Variants in CAMK1D observed in about 807,000 individuals in gnomAD.
CAMK1D encodes the protein calcium/calmodulin-dependent protein kinase type 1D.
CAMK1D carries 9 observed loss-of-function variants against 47.7 expected under a neutral mutation model. The ratio of observed to expected loss-of-function variants is 0.19; its 90% CI spans 0.11 to 0.33. The LOEUF (loss-of-function observed/expected upper bound fraction) is 0.33, where lower values mean the gene tolerates loss of function less well. Ranked by LOEUF, CAMK1D falls within the 10% of genes least tolerant of loss-of-function variation. The probability of loss-of-function intolerance (pLI) is 1.00; values close to 1 mark genes in which losing one functional copy is unlikely to be tolerated. For synonymous variants in CAMK1D, 184 were observed against 184.9 expected, an observed-to-expected ratio of 0.99 and a Z score of 0.04; for missense variants, 291 against 488.7, an observed-to-expected ratio of 0.60 and a Z score of 3.81.
chr10:12,631,593 A>G (rs979752813), intron 2 of CAMK1D, among the ~76,000 whole-genome samples: 1 of 152,144 alleles, frequency 6.6e-6, no homozygotes, highest in African/African-American at 2.4e-5. Flanking sequence ...TCCTTTGTTC[A>G]GTGTGCTCTC....
At chr10:12,810,506 C>G (rs1020170647) in intron 6 of CAMK1D, among the ~76,000 whole-genome samples, 5 of 152,164 alleles carry the variant, frequency 3.3e-5, no homozygotes, top group African/African-American at 1.2e-4. Flanking sequence ...AACTCCTGAC[C>G]TCAGGTGATC....
At chr10:12,415,754 T>TG (rs1839825722) in intron 1 of CAMK1D, among the ~76,000 whole-genome samples, 1 of 152,000 alleles carries the variant, frequency 6.6e-6, no homozygotes, top group East Asian at 1.9e-4. Context: ...ACGTTTTTTT[T>TG]TTTTTGTCTT....
intron 2 of CAMK1D, among the ~76,000 whole-genome samples, chr10:12,662,508 C>T (rs913132725): frequency 3.3e-5 from 5 of 152,040 alleles, no homozygotes; most frequent in East Asian, 1.9e-4. Context: ...AAAAATCAGC[C>T]GGGCATGGTG....
intron 2 of CAMK1D, among the ~76,000 whole-genome samples, chr10:12,607,642 A>C (rs1838500523): frequency 6.6e-6 from 1 of 152,208 alleles, no homozygotes; most frequent in Non-Finnish European, 1.5e-5. Flanking sequence ...TTTCCTACCC[A>C]GATGCGAAGA....
rs191215590 is a variant in CAMK1D at position 12,369,886 on chromosome 10, G to T, written c.92+19976G>T. Among the ~76,000 whole-genome samples, 572 of 151,496 alleles carry T rather than the reference G, an allele frequency of 3.8e-3. 5 individuals are homozygous for T. Among genetic ancestry groups the T allele is most frequent in the African/African-American group, 0.013 (544 of 41,342 alleles). ...CAGGGGAATTGCTTGAACCTGGGAG[G>T]CGAAGGTTGCAGTGAGCTGAGATCA... is the stretch of plus-strand genomic sequence containing the variant. On this transcript the variant is annotated intron_variant, in intron 1 of 10. Coordinates refer to ENST00000619168, the MANE Select transcript of CAMK1D (RefSeq NM_153498.4).
At chr10:12,590,120 T>C (rs17151931) in intron 2 of CAMK1D, among the ~76,000 whole-genome samples, 6,059 of 152,280 alleles carry the variant, frequency 0.04, 402 homozygotes, top group African/African-American at 0.14. Context: ...ACTTTCTGTC[T>C]CATTTTAGGT....
chr10:12,708,097 A>G (rs961203630), intron 3 of CAMK1D, among the ~76,000 whole-genome samples: 1 of 152,190 alleles, frequency 6.6e-6, no homozygotes, highest in Non-Finnish European at 1.5e-5. Flanking sequence ...GTCAGAATAC[A>G]TTTCTACAAC....
At chr10:12,497,249 C>G (rs1433875104) in intron 1 of CAMK1D, among the ~76,000 whole-genome samples, 1 of 151,974 alleles carries the variant, frequency 6.6e-6, no homozygotes, top group Non-Finnish European at 1.5e-5. Flanking sequence ...GAGGCCGAAG[C>G]CGGAGGATCA....
intron 2 of CAMK1D, among the ~76,000 whole-genome samples, chr10:12,600,456 T>C (rs536262063): frequency 6.6e-6 from 1 of 152,262 alleles, no homozygotes; most frequent in South Asian, 2.1e-4. Flanking sequence ...TATAGAGGGG[T>C]CAGTGAACGT....
chr10:12,570,460 C>T (rs1342049517), intron 2 of CAMK1D, among the ~76,000 whole-genome samples: 1 of 151,882 alleles, frequency 6.6e-6, no homozygotes, highest in East Asian at 1.9e-4. Context: ...GGGTGGATCA[C>T]CTGAGGTCAG....
intron 2 of CAMK1D, among the ~76,000 whole-genome samples, chr10:12,637,698 C>A (rs1020092594): frequency 6.6e-6 from 1 of 152,086 alleles, no homozygotes; most frequent in Non-Finnish European, 1.5e-5. Flanking sequence ...TTAGAAGATA[C>A]AGTCTGTTGA....
chr10:12,792,927 A>G (rs928336), intron 6 of CAMK1D, among the ~76,000 whole-genome samples: 72,149 of 151,544 alleles, frequency 0.48, 17,400 homozygotes, highest in East Asian at 0.62. Flanking sequence ...AAGGTCATGG[A>G]TCCTATCCCC....
chr10:12,559,860 T>C (rs1836881179), intron 2 of CAMK1D, among the ~76,000 whole-genome samples: 1 of 152,060 alleles, frequency 6.6e-6, no homozygotes, highest in Non-Finnish European at 1.5e-5. Flanking sequence ...TGAGGACTGC[T>C]AAAGGCAGCA....
intron 3 of CAMK1D, among the ~76,000 whole-genome samples, chr10:12,753,596 C>G (rs1375799187): frequency 1.3e-5 from 2 of 152,192 alleles, no homozygotes; most frequent in African/African-American, 4.8e-5. Context: ...AACGGGCTGC[C>G]TCACCCTTCT....
intron 2 of CAMK1D, among the ~76,000 whole-genome samples, chr10:12,627,562 C>A (rs146589107): frequency 1.3e-3 from 199 of 152,272 alleles, no homozygotes; most frequent in African/African-American, 4.3e-3. Flanking sequence ...ACCCACTGTC[C>A]TGTACAACCA....
At chr10:12,558,871 A>G (rs755491544) in intron 2 of CAMK1D, among the ~76,000 whole-genome samples, 6 of 152,202 alleles carry the variant, frequency 3.9e-5, no homozygotes, top group Non-Finnish European at 4.4e-5. Context: ...TGACCCTGGC[A>G]GGAACTGATT....
chr10:12,467,453 ACT>A (rs1375582447), intron 1 of CAMK1D, among the ~76,000 whole-genome samples: 1 of 151,946 alleles, frequency 6.6e-6, no homozygotes, highest in Admixed American at 6.6e-5. Flanking sequence ...GCGCCCAGTC[ACT>A]CTCATGTTTT....
chr10:12,505,616 T>C lies in CAMK1D; in HGVS notation c.93-47609T>C, dbSNP rs188702112. Reference sequence around the variant, plus strand: ...AAAAGCAGTGTCTCTCCTTTATTGCTTGCTTGTCTGGCATATTTTCACAAC... The same window carrying C: ...AAAAGCAGTGTCTCTCCTTTATTGCCTGCTTGTCTGGCATATTTTCACAAC... On this transcript the variant is annotated intron_variant, in intron 1 of 10. Transcript: ENST00000619168. Among the ~76,000 whole-genome samples the C allele has an allele frequency of 2.6e-5, 4 of 152,354 alleles. No homozygotes were observed. The East Asian group carries it at 7.7e-4, about 29-fold the overall frequency.
intron 1 of CAMK1D, among the ~76,000 whole-genome samples, chr10:12,491,799 T>C (rs1296907128): frequency 2.0e-5 from 3 of 152,156 alleles, no homozygotes. Context: ...TTTTTTTCTT[T>C]GTTTTTGAGA....
Sources: allele counts gnomAD v4.1 joint callset (sites outside exome capture counted in the v4.1 genomes callset), GRCh38; gene constraint gnomAD v4.1.1; transcripts MANE v1.5; gene names NCBI Gene and HGNC (gene_info 2026-07-23, HGNC 2026-07-21).